Variants in SARDH observed in about 807,000 individuals in gnomAD.
SARDH encodes sarcosine dehydrogenase, mitochondrial.
Under a neutral mutation model 109.1 loss-of-function variants are expected in SARDH, and 95 were observed. The observed-to-expected ratio is 0.87, with a 90% confidence interval of 0.74 to 1.03. The LOEUF (loss-of-function observed/expected upper bound fraction) is 1.03, where lower values mean the gene tolerates loss of function less well. Ranked by LOEUF, SARDH falls within the 50% of genes least tolerant of loss-of-function variation. SARDH has a pLI of 0.00. For synonymous variants in SARDH, 572 were observed against 534.8 expected, an observed-to-expected ratio of 1.07 and a Z score of -0.96; for missense variants, 1,267 against 1,287.8, an observed-to-expected ratio of 0.98 and a Z score of 0.25.
At chr9:133,701,600 C>T (rs753630394) in intron 13 of SARDH, among the ~76,000 whole-genome samples, 2 of 152,228 alleles carry the variant, frequency 1.3e-5, no homozygotes, top group Non-Finnish European at 2.9e-5. Flanking sequence ...CCCACATCCT[C>T]GAGGGCCAGA....
chr9:133,710,144 G>A (rs984782469), intron 10 of SARDH, among the ~76,000 whole-genome samples: 8 of 152,234 alleles, frequency 5.3e-5, no homozygotes, highest in Non-Finnish European at 1.0e-4. Flanking sequence ...AAACAGCCCA[G>A]CCCACACTCT....
Position 133,718,639 on chromosome 9 carries a change from G to A in SARDH, c.1020+299C>T, listed in dbSNP as rs758791954. ...GGGAGGGCAGTGTCATTTGCTGAAG[G>A]ACGTAGGACTTGTGTGCTCTCATGC... On this transcript the variant is annotated intron_variant, in intron 7 of 20. Coordinates refer to ENST00000439388, the MANE Select transcript of SARDH (RefSeq NM_001134707.2). The surrounding 1 kb of genome is among the most constrained non-coding windows in gnomAD (Gnocchi z 4.2). 38 of 777,954 alleles carry A rather than the reference G, an allele frequency of 4.9e-5. No homozygotes were observed. Among genetic ancestry groups the A allele is most frequent in the Admixed American group, 3.1e-4 (18 of 58,990 alleles). 48.2% of individuals were successfully genotyped at this position (777,954 alleles called of 1,614,324 possible). A position where few individuals can be genotyped will look rare whatever the true frequency, so the allele number is the denominator to read the frequency against.
At chr9:133,682,741 G>A (rs933027007) in intron 17 of SARDH, among the ~76,000 whole-genome samples, 6 of 103,670 alleles carry the variant, frequency 5.8e-5, no homozygotes, top group East Asian at 2.8e-4. Context: ...TGCTAGAAGC[G>A]AGGTCTGCAC....
Position 133,730,211 on chromosome 9 carries a change from T to C in SARDH, c.691-24A>G, listed in dbSNP as rs770569409. The C allele has an allele frequency of 4.3e-6, 7 of 1,613,556 alleles. No homozygotes were observed. In the Admixed American group the frequency reaches 1.2e-4, roughly 27 times the overall value. On this transcript the variant is annotated intron_variant, in intron 4 of 20. Transcript: ENST00000439388. ...ACCTGGAATTGAGAGGAACTGCTTC[T>C]AAAATCCCACGGGACTCCCCGGGGG...
chr9:133,714,968 A>G (rs528299257), intron 8 of SARDH, among the ~76,000 whole-genome samples: 1 of 152,314 alleles, frequency 6.6e-6, no homozygotes, highest in South Asian at 2.1e-4. Context: ...GGTCTCTTGG[A>G]TGTTTCACAA....
chr9:133,708,257 A>C, intron 11 of SARDH, 30 bp downstream of exon 11: 1 of 1,599,734 alleles, frequency 6.3e-7, no homozygotes, highest in Non-Finnish European at 8.5e-7. Context: ...CCTCGCTGCC[A>C]GTCCCCAGCA....
Position 133,694,447 on chromosome 9 carries a change from C to T in SARDH, c.1808-76G>A, listed in dbSNP as rs527930379. The T allele has an allele frequency of 1.5e-4, 176 of 1,193,658 alleles. 2 individuals are homozygous for T. The highest frequency in any genetic ancestry group is 7.3e-4 in the South Asian group (56 of 76,846). The allele number at this position is 1,193,658 out of a possible 1,614,324, so 73.9% of individuals were successfully genotyped here. A position where few individuals can be genotyped will look rare whatever the true frequency, so the allele number is the denominator to read the frequency against. On this transcript the variant is annotated intron_variant, in intron 14 of 20. Coordinates refer to ENST00000439388, the MANE Select transcript of SARDH (RefSeq NM_001134707.2). ...TGTGCTGCCTCAGTTTCCCCAGGGC[C>T]GCTCACAGGGGCAGCTCCTTGTCAC...
At chr9:133,673,987 C>A (rs557327090) in intron 17 of SARDH, among the ~76,000 whole-genome samples, 1 of 152,212 alleles carries the variant, frequency 6.6e-6, no homozygotes, top group Non-Finnish European at 1.5e-5. Context: ...CCGTGCACAG[C>A]CTGGCCCAAG....
In SARDH at chr9:133,666,648, GCACA is replaced by G. The variant is rs549554528; in HGVS notation, c.2631+83_2631+86del. On this transcript the variant is annotated intron_variant, in intron 20 of 20. Transcript: ENST00000439388. The surrounding 1 kb of genome is among the most constrained non-coding windows in gnomAD (Gnocchi z 5.2). ...CACCCGTGCCTCCTCCCTATGCCCG[GCACA>G]CTCAGGGTGCAGTGCAGGGAGCTGG... 24 of 1,517,622 alleles carry G rather than the reference GCACA, an allele frequency of 1.6e-5. 1 individual carries two copies. The Admixed American group carries it at 4.4e-4, about 28-fold the overall frequency. 94.0% of individuals were successfully genotyped at this position (1,517,622 alleles called of 1,614,324 possible). A position where few individuals can be genotyped will look rare whatever the true frequency, so the allele number is the denominator to read the frequency against.
rs1212044357 is a variant in SARDH, at chr9:133,704,673, A to G, written c.1554+275T>C. ...AGGACACCCCTTCTGCTCTGCCTACAGCCCTTCCCACTTAGGCCATGGAAG... is the reference window on the plus strand; with the variant it reads ...AGGACACCCCTTCTGCTCTGCCTACGGCCCTTCCCACTTAGGCCATGGAAG... On this transcript the variant is annotated intron_variant, in intron 12 of 20. Coordinates refer to ENST00000439388, the MANE Select transcript of SARDH (RefSeq NM_001134707.2). This position sits in a 1 kb window ranked among gnomAD's most constrained non-coding sequence, Gnocchi z 4.5. Among the ~76,000 whole-genome samples, 2 of 152,156 alleles carry G rather than the reference A, an allele frequency of 1.3e-5. No individual in the cohort carries two copies. Among genetic ancestry groups the G allele is most frequent in the Non-Finnish European group, 2.9e-5 (2 of 68,018 alleles).
At chr9:133,729,060 T>G (rs1352313352) in intron 6 of SARDH, among the ~76,000 whole-genome samples, 51 of 123,036 alleles carry the variant, frequency 4.1e-4, no homozygotes, top group African/African-American at 5.9e-4. Context: ...GGGGGATGGG[T>G]GGAGGGATGA....
At chr9:133,668,408 C>CTCCCTCTCCCTCACCT (rs1830168217) in intron 19 of SARDH, among the ~76,000 whole-genome samples, 1 of 59,306 alleles carries the variant, frequency 1.7e-5, no homozygotes, top group East Asian at 6.0e-4. Flanking sequence ...TCCCTTCACC[C>CTCCCTCTCCCTCACCT]TCCCTCTCCC....
At chr9:133,729,561 GGATAC>G (rs1181351630) in intron 6 of SARDH, among the ~76,000 whole-genome samples, 199 bp downstream of exon 6, 1 of 152,160 alleles carries the variant, frequency 6.6e-6, no homozygotes. Context: ...GCCCCAACAG[GGATAC>G]GCCTGTGCTA....
Position 133,718,832 on chromosome 9 carries a change from G to A in SARDH, c.1020+106C>T, listed in dbSNP as rs1319758700. 1 of 918,114 alleles carries A rather than the reference G, an allele frequency of 1.1e-6. No individual in the cohort carries two copies. The highest frequency in any genetic ancestry group is 1.6e-5 in the African/African-American group (1 of 61,476). 56.9% of individuals were successfully genotyped at this position (918,114 alleles called of 1,614,324 possible). On this transcript the variant is annotated intron_variant, in intron 7 of 20. Transcript: ENST00000439388. This position sits in a 1 kb window ranked among gnomAD's most constrained non-coding sequence, Gnocchi z 4.2. Reference sequence around the variant, plus strand: ...TCAGGGGACCGGCCACTTCTCAGGTGTGCCTCTGAGGAGCTTCAGGAGGAT... The same window carrying A: ...TCAGGGGACCGGCCACTTCTCAGGTATGCCTCTGAGGAGCTTCAGGAGGAT...
At position 133,666,950 on chromosome 9, in the gene SARDH, G is replaced by A. The variant is rs1269374465; in HGVS notation, c.2496-80C>T. The stretch of plus-strand genomic sequence containing the variant: ...GTCCACAGCGGCCTGGAGGAGAATG[G>A]GGGGCTGCATGATGCACACCCAACC... On this transcript the variant is annotated intron_variant, in intron 19 of 20. Coordinates refer to ENST00000439388, the MANE Select transcript of SARDH (RefSeq NM_001134707.2). This position sits in a 1 kb window ranked among gnomAD's most constrained non-coding sequence, Gnocchi z 5.2. 12 of 1,568,118 alleles carry A rather than the reference G, an allele frequency of 7.7e-6. No homozygotes were observed. Among genetic ancestry groups the A allele is most frequent in the Non-Finnish European group, 9.5e-6 (11 of 1,153,276 alleles).
upstream of SARDH, chr9:133,739,772 G>A (rs1316359651): frequency 6.6e-6 from 1 of 152,306 alleles, no homozygotes; most frequent in South Asian, 2.1e-4. Flanking sequence ...AGCTAGGGCT[G>A]TGCTCACCCA....
At position 133,696,470 on chromosome 9, in the gene SARDH, C is replaced by T. The variant is rs2131397700; in HGVS notation, c.1669-109G>A. 5 of 1,381,000 alleles carry T rather than the reference C, an allele frequency of 3.6e-6. No homozygotes were observed. In the South Asian group the frequency reaches 3.9e-5, roughly 11 times the overall value. The allele number at this position is 1,381,000 out of a possible 1,614,324, so 85.5% of individuals were successfully genotyped here. A position where few individuals can be genotyped will look rare whatever the true frequency, so the allele number is the denominator to read the frequency against. ...GTCCAACACACCTGTACTGAGCCTC[C>T]CCTCCCTCTCTTCCAGCCCGCACCA... On this transcript the variant is annotated intron_variant, in intron 13 of 20. Transcript: ENST00000439388.
At chr9:133,715,331 AAGAT>A (rs931466184) in intron 8 of SARDH, among the ~76,000 whole-genome samples, 28 of 152,152 alleles carry the variant, frequency 1.8e-4, no homozygotes, top group African/African-American at 6.3e-4. Context: ...GAGGAAGAGA[AAGAT>A]AGAGAGAGAC....
At chr9:133,701,879 T>C (rs1831501292) in intron 13 of SARDH, among the ~76,000 whole-genome samples, 1 of 152,222 alleles carries the variant, frequency 6.6e-6, no homozygotes, top group Non-Finnish European at 1.5e-5. Context: ...CGGGACCCAG[T>C]GGGGACCTTG....
Sources: allele counts gnomAD v4.1 joint callset (sites outside exome capture counted in the v4.1 genomes callset), GRCh38; gene constraint gnomAD v4.1.1; non-coding constraint Gnocchi (gnomAD v3.1); transcripts MANE v1.5; gene names NCBI Gene and HGNC (gene_info 2026-07-23, HGNC 2026-07-21).